The following WASHC3 variants were observed in gnomAD, a reference collection of about 807,000 sequenced individuals.
WASHC3 encodes WASH complex subunit 3.
In WASHC3, 24 loss-of-function variants were observed where a neutral mutation model predicts 26.1. The ratio of observed to expected loss-of-function variants is 0.92; its 90% CI spans 0.66 to 1.29. The LOEUF (loss-of-function observed/expected upper bound fraction) is 1.29, where lower values mean the gene tolerates loss of function less well. WASHC3 is among the 50% of genes most tolerant of loss of function. The pLI is 0.00. For missense variants in WASHC3, 214 were observed against 229.6 expected (o/e 0.93, Z 0.44); for synonymous variants, 77 against 75.7 (o/e 1.02, Z -0.09).
Position 102,044,106 on chromosome 12 carries a change from T to C in WASHC3, c.323A>G (p.Gln108Arg), listed in dbSNP as rs2136672961. Residue 108 changes from glutamine (Q) to arginine (R), a missense_variant and splice_region_variant, in exon 4 of 7, where the codon CAG (glutamine) becomes CGG (arginine). Coordinates refer to ENST00000240079, the MANE Select transcript of WASHC3 (RefSeq NM_016053.4). The stretch of plus-strand genomic sequence containing the variant: ...GCTCGTTTCTTAGAACTCACTTACC[T>C]GTGGTTGCTCTGAAGTGGCTTCAGG... ...AHPEATSEQP[Q>R]QNSTQDSGLQ... 5.1e-6 allele frequency: 8 copies of C among 1,557,860 alleles called. No homozygotes were observed. Among genetic ancestry groups the C allele is most frequent in the Admixed American group, 1.7e-5 (1 of 58,420 alleles).
At position 102,060,956 on chromosome 12, in the gene WASHC3, CAAAAAAA is replaced by C. The variant is rs56001519; in HGVS notation, c.150+285_150+291del. On this transcript the variant is annotated intron_variant, in intron 2 of 6. Transcript: ENST00000240079. ...GGTGACAGAGTGAGACCCTGTCTCA[CAAAAAAA>C]AAAAAAAAAAAAAAAAAAATTAGAT... Among the ~76,000 whole-genome samples the C allele has an allele frequency of 6.1e-3, 342 of 55,622 alleles. 4 individuals are homozygous for C. The highest frequency in any genetic ancestry group is 0.019 in the African/African-American group (285 of 14,734). The allele number at this position is 55,622 out of a possible 152,430, so 36.5% of individuals were successfully genotyped here.
chr12:102,013,162 TTCGCCATCAGGCACTG>T lies in WASHC3; in HGVS notation c.515_530del (p.Pro172GlnfsTer6). The T allele has an allele frequency of 6.4e-7, 1 of 1,551,098 alleles. No individual in the cohort carries two copies. Among genetic ancestry groups the T allele is most frequent in the South Asian group, 1.2e-5 (1 of 84,374 alleles). ...AACTTTCTTCTACAGTTTTCTCACT[TTCGCCATCAGGCACTG>T]GAGCATCTGGCCTCCTAAAAGAAAA... is the stretch of plus-strand genomic sequence containing the variant. On this transcript the variant is annotated frameshift_variant, in exon 7 of 7. Transcript: ENST00000240079. LOFTEE classifies it high-confidence loss of function.
chr12:102,017,245 C>A (rs1876744194), intron 6 of WASHC3, among the ~76,000 whole-genome samples: 1 of 152,146 alleles, frequency 6.6e-6, no homozygotes, highest in South Asian at 2.1e-4. Context: ...GTACGCTATA[C>A]CATTTAGGCT....
chr12:102,039,480 C>A (rs531322154), intron 5 of WASHC3, among the ~76,000 whole-genome samples: 1 of 151,938 alleles, frequency 6.6e-6, no homozygotes, highest in Non-Finnish European at 1.5e-5. Context: ...GCCAAGAGAT[C>A]ATTGATAAAC....
chr12:102,056,036 C>T (rs1230081760), intron 2 of WASHC3, among the ~76,000 whole-genome samples: 1 of 152,226 alleles, frequency 6.6e-6, no homozygotes, highest in African/African-American at 2.4e-5. Context: ...TTAATTCTAT[C>T]TAACTAGACT....
intron 5 of WASHC3, among the ~76,000 whole-genome samples, chr12:102,029,025 C>T (rs1391474994): frequency 2.0e-5 from 3 of 152,120 alleles, no homozygotes; most frequent in Non-Finnish European, 2.9e-5. Context: ...CTGAGACTTA[C>T]TATCACTACC....
rs1414315477 is a variant in WASHC3, at chr12:102,046,252, T to C, written c.151-133A>G. 1.1e-5 allele frequency: 6 copies of C among 549,058 alleles called. No individual in the cohort carries two copies. In the East Asian group the frequency reaches 1.2e-4, roughly 11 times the overall value. The allele number at this position is 549,058 out of a possible 1,614,324, so 34.0% of individuals were successfully genotyped here. A position where few individuals can be genotyped will look rare whatever the true frequency, so the allele number is the denominator to read the frequency against. ...CTAATACAGTACTGTCTTATTTACA[T>C]GAGTAGGAATGAGAACTCTTCTATT... On this transcript the variant is annotated intron_variant, in intron 2 of 6. Coordinates refer to ENST00000240079, the MANE Select transcript of WASHC3 (RefSeq NM_016053.4).
intron 2 of WASHC3, among the ~76,000 whole-genome samples, chr12:102,057,136 C>T (rs1878623398): frequency 6.6e-6 from 1 of 152,136 alleles, no homozygotes; most frequent in Non-Finnish European, 1.5e-5. Context: ...AAAGGTGATA[C>T]ATCACATTAA....
chr12:102,017,888 T>C (rs1368175539), intron 6 of WASHC3: 7 of 337,414 alleles, frequency 2.1e-5, no homozygotes, highest in Admixed American at 1.6e-4. Context: ...ATTCACATTG[T>C]TGTACAACCA....
intron 2 of WASHC3, among the ~76,000 whole-genome samples, chr12:102,049,198 C>T (rs1878290940): frequency 6.6e-6 from 1 of 152,198 alleles, no homozygotes; most frequent in South Asian, 2.1e-4. Context: ...AATCTCTGGT[C>T]TCTATCCACT....
chr12:102,017,850 T>C lies in WASHC3; in HGVS notation c.501-4658A>G, dbSNP rs184855102. 6.4e-4 allele frequency: 263 copies of C among 411,714 alleles called. No individual in the cohort carries two copies. The Middle Eastern group carries it at 6.8e-3, about 11-fold the overall frequency. The allele number at this position is 411,714 out of a possible 1,614,324, so 25.5% of individuals were successfully genotyped here. ...AACATAAAATTTAATATTGTAACCATTTTTAAGTATACGGTAGTGTTTAGT... is the reference window on the plus strand; with the variant it reads ...AACATAAAATTTAATATTGTAACCACTTTTAAGTATACGGTAGTGTTTAGT... On this transcript the variant is annotated intron_variant, in intron 6 of 6. Coordinates refer to ENST00000240079, the MANE Select transcript of WASHC3 (RefSeq NM_016053.4).
chr12:102,024,322 G>A (rs1407419603), intron 6 of WASHC3, among the ~76,000 whole-genome samples: 1 of 152,268 alleles, frequency 6.6e-6, no homozygotes, highest in Non-Finnish European at 1.5e-5. Flanking sequence ...AGGCTTTAGT[G>A]GATGGCTTGA....
At chr12:102,053,056 A>G (rs1163155778) in intron 2 of WASHC3, among the ~76,000 whole-genome samples, 1 of 151,600 alleles carries the variant, frequency 6.6e-6, no homozygotes, top group Non-Finnish European at 1.5e-5. Context: ...ATTGGCCCCC[A>G]TGGACGGAGG....
At position 102,013,147 on chromosome 12, in the gene WASHC3, T is replaced by C. The variant is rs1876550055; in HGVS notation, c.546A>G (p.Val182=). The change falls in exon 7 of 7, where the codon GTA becomes GTG. Residue 182 remains valine (V), a synonymous_variant. Coordinates refer to ENST00000240079, the MANE Select transcript of WASHC3 (RefSeq NM_016053.4). ...AAGATTCGCTATCTGAACTTTCTTC[T>C]ACAGTTTTCTCACTTTCGCCATCAG... The part of the protein sequence containing the change: ...PVPDGESEKT[V]EESSDSESSF... 1.3e-6 allele frequency: 2 copies of C among 1,553,056 alleles called. No individual in the cohort carries two copies. The highest frequency in any genetic ancestry group is 2.4e-5 in the South Asian group (2 of 84,524).
chr12:102,048,039 G>A (rs968919206), intron 2 of WASHC3, among the ~76,000 whole-genome samples: 2 of 152,048 alleles, frequency 1.3e-5, no homozygotes, highest in East Asian at 3.9e-4. Context: ...AAAACATAAT[G>A]GTAAATTCTT....
intron 2 of WASHC3, among the ~76,000 whole-genome samples, chr12:102,048,827 C>A (rs372407776): frequency 1.9e-4 from 29 of 152,174 alleles, no homozygotes; most frequent in African/African-American, 5.1e-4. Context: ...ATTCTATCCA[C>A]CTGAAAACAT....
At chr12:102,026,930 A>G (rs187887285) in intron 5 of WASHC3, among the ~76,000 whole-genome samples, 4 of 152,288 alleles carry the variant, frequency 2.6e-5, no homozygotes. Context: ...CCCGTGTGGC[A>G]TAAGAAGGAA....
intron 6 of WASHC3, chr12:102,019,399 T>A (rs1876855683): frequency 2.7e-6 from 1 of 376,438 alleles, no homozygotes. Flanking sequence ...TGGAAAGAAA[T>A]TTTAAGACAT....
In WASHC3 at chr12:102,061,980, GACCCCGAGTTC is replaced by G. The variant is rs1189279758; in HGVS notation, c.-29_-19del. ...TCATCCATCTCCTCAGCGGGCGGTG[GACCCCGAGTTC>G]ACCCACAAACCCCTCCCAGATGGGG... is the stretch of plus-strand genomic sequence containing the variant. On this transcript the variant is annotated 5_prime_UTR_variant, in exon 1 of 7. Transcript: ENST00000240079. The G allele has an allele frequency of 1.9e-6, 3 of 1,587,244 alleles. No individual in the cohort carries two copies. The Admixed American group carries it at 5.3e-5, about 28-fold the overall frequency.
Sources: allele counts gnomAD v4.1 joint callset (sites outside exome capture counted in the v4.1 genomes callset), GRCh38; gene constraint gnomAD v4.1.1; transcripts MANE v1.5; gene names NCBI Gene and HGNC (gene_info 2026-07-23, HGNC 2026-07-21).